Variants in KDELR2 observed in about 807,000 individuals in gnomAD.
The protein encoded by KDELR2 is ER lumen protein-retaining receptor 2.
In KDELR2, 15 loss-of-function variants were observed where a neutral mutation model predicts 23.9. The observed-to-expected ratio is 0.63, with a 90% CI of 0.42 to 0.97. The LOEUF is 0.97. Ranked by LOEUF, KDELR2 falls within the 50% of genes least tolerant of loss-of-function variation. The pLI, the probability that KDELR2 is intolerant of heterozygous loss-of-function variation, is 0.00. For missense variants in KDELR2, 272 were observed against 254.6 expected (o/e 1.07, Z -0.46); for synonymous variants, 119 against 106.2 (o/e 1.12, Z -0.74).
At position 6,469,666 on chromosome 7, in the gene KDELR2, C is replaced by G; in HGVS notation, c.281G>C (p.Arg94Pro). Reference sequence around the variant, plus strand: ...CACAGGGACCACCAGAAACTCCACTCGGAAGGTATCATGATTTCCATCGTA... The same window carrying G: ...CACAGGGACCACCAGAAACTCCACTGGGAAGGTATCATGATTTCCATCGTA... ...ATYDGNHDTF[R>P]VEFLVVPVGG... is the part of the protein sequence containing the mutation. Residue 94 changes from arginine (R) to proline (P), a missense_variant, in exon 3 of 5, where the codon CGA becomes CCA. Arg to Pro is a moderately radical substitution (Grantham distance 103). Transcript: ENST00000258739. The G allele has an allele frequency of 1.2e-6, 2 of 1,614,058 alleles. No homozygotes were observed. Among genetic ancestry groups the G allele is most frequent in the South Asian group, 1.1e-5 (1 of 91,076 alleles).
chr7:6,469,894 T>C (rs1785589874), intron 2 of KDELR2, 140 bp from the exon 3 acceptor site: 1 of 693,274 alleles, frequency 1.4e-6, no homozygotes, highest in African/African-American at 1.8e-5. Context: ...AACTTAAATA[T>C]AGTAAAATTC....
In KDELR2 at chr7:6,468,784, G is replaced by A. The variant is rs541196108; in HGVS notation, c.351+812C>T. On this transcript the variant is annotated intron_variant, in intron 3 of 4. Transcript: ENST00000258739. ...CTCCCAAAGTGCTGGGATTACAGGC[G>A]TGAGCCACTGCGCATGGCCAGTTTT... Among the ~76,000 whole-genome samples the A allele has an allele frequency of 1.3e-4, 20 of 152,184 alleles. No individual in the cohort carries two copies. In the East Asian group the frequency reaches 1.4e-3, roughly 10 times the overall value.
chr7:6,478,686 T>C (rs1029237954), intron 1 of KDELR2, among the ~76,000 whole-genome samples: 1 of 152,242 alleles, frequency 6.6e-6, no homozygotes, highest in African/African-American at 2.4e-5. Flanking sequence ...AGAGATGTCA[T>C]CTTGCTTCCT....
At chr7:6,482,503 T>C (rs1177393173) in intron 1 of KDELR2, 2 of 458,930 alleles carry the variant, frequency 4.4e-6, no homozygotes, top group Non-Finnish European at 9.0e-6. Context: ...ACATGGACTT[T>C]GTAACACCCA....
chr7:6,483,838 T>TA (rs1785968811), intron 1 of KDELR2, 129 bp downstream of exon 1: 3 of 676,856 alleles, frequency 4.4e-6, no homozygotes, highest in Admixed American at 4.8e-5. Flanking sequence ...GGGCACCCGT[T>TA]AGGCCGGCCG....
At chr7:6,471,176 G>GTT (rs1161325162) in intron 2 of KDELR2, among the ~76,000 whole-genome samples, 2,008 of 72,684 alleles carry the variant, frequency 0.028, 104 homozygotes, top group African/African-American at 0.034. Context: ...ATTTGTTTCG[G>GTT]TTTTTTTTTT....
chr7:6,483,905 G>T, intron 1 of KDELR2, 62 bp downstream of exon 1: 1 of 1,293,914 alleles, frequency 7.7e-7, no homozygotes, highest in Middle Eastern at 2.3e-4. Context: ...CGAGGTCGGC[G>T]GGTCCTCGGC....
chr7:6,472,836 TAGAAAGAA>T (rs1383998650), intron 2 of KDELR2, among the ~76,000 whole-genome samples: 1 of 151,092 alleles, frequency 6.6e-6, no homozygotes, highest in Non-Finnish European at 1.5e-5. Context: ...TCAGTATTTG[TAGAAAGAA>T]GGAAAGAAAG....
intron 2 of KDELR2, among the ~76,000 whole-genome samples, chr7:6,471,424 C>A (rs565111558): frequency 6.6e-6 from 1 of 152,188 alleles, no homozygotes; most frequent in South Asian, 2.1e-4. Context: ...AGGTGATCTG[C>A]CTGCCTCGGC....
At chr7:6,477,158 G>T (rs1338035491) in intron 1 of KDELR2, among the ~76,000 whole-genome samples, 1 of 152,218 alleles carries the variant, frequency 6.6e-6, no homozygotes, top group Non-Finnish European at 1.5e-5. Flanking sequence ...GAGGGTGAGA[G>T]AGCCCCAGGT....
At chr7:6,469,073 T>C (rs1785567288) in intron 3 of KDELR2, among the ~76,000 whole-genome samples, 1 of 151,494 alleles carries the variant, frequency 6.6e-6, no homozygotes, top group Non-Finnish European at 1.5e-5. Context: ...TGCCTCAGCC[T>C]CCCCAGTAGC....
intron 1 of KDELR2, among the ~76,000 whole-genome samples, chr7:6,478,075 C>CAAA (rs1785792802): frequency 3.3e-5 from 5 of 152,130 alleles, no homozygotes; most frequent in Admixed American, 3.3e-4. Flanking sequence ...ACACGAAATG[C>CAAA]AAAGACCCTT....
chr7:6,468,636 A>G (rs7456862), intron 3 of KDELR2, among the ~76,000 whole-genome samples: 136,377 of 152,046 alleles, frequency 0.9, 61,596 homozygotes, highest in Non-Finnish European at 0.92. Context: ...CTCCCAAGTA[A>G]CTGGGACTAC....
At chr7:6,482,445 A>T in intron 1 of KDELR2, 1 of 375,330 alleles carries the variant, frequency 2.7e-6, no homozygotes, top group Non-Finnish European at 5.6e-6. Context: ...TGAACCTCTC[A>T]GAACTATGTA....
chr7:6,483,047 T>C (rs1401806234), intron 1 of KDELR2, among the ~76,000 whole-genome samples: 1 of 152,000 alleles, frequency 6.6e-6, no homozygotes, highest in East Asian at 1.9e-4. Context: ...TTATTATACC[T>C]TTAAAATTAA....
Position 6,469,670 on chromosome 7 carries a change from A to G in KDELR2, c.277T>C (p.Phe93Leu). The part of the protein sequence containing the change: ...KATYDGNHDT[F>L]RVEFLVVPVG... ...GGGACCACCAGAAACTCCACTCGGA[A>G]GGTATCATGATTTCCATCGTAGGTT... The change falls in exon 3 of 5, where the codon TTC becomes CTC. Residue 93 changes from phenylalanine to leucine, a missense_variant. By Grantham distance (22) the Phe-to-Leu change is conservative. Coordinates refer to ENST00000258739, the MANE Select transcript of KDELR2 (RefSeq NM_006854.4). The G allele has an allele frequency of 6.2e-7, 1 of 1,614,130 alleles. No individual in the cohort carries two copies. Among genetic ancestry groups the G allele is most frequent in the Non-Finnish European group, 8.5e-7 (1 of 1,179,970 alleles).
chr7:6,471,262 A>C (rs938368799), intron 2 of KDELR2, among the ~76,000 whole-genome samples: 1 of 130,416 alleles, frequency 7.7e-6, no homozygotes, highest in African/African-American at 2.9e-5. Flanking sequence ...GCTCACTGCA[A>C]CCTCCGCCTC....
intron 4 of KDELR2, 129 bp downstream of exon 4, chr7:6,465,942 T>C (rs60196376): frequency 1.3e-4 from 122 of 931,968 alleles, no homozygotes; most frequent in African/African-American, 1.2e-3. Flanking sequence ...CAGAATGTTA[T>C]TGGCCAATCA....
chr7:6,469,285 T>C (rs573998541), intron 3 of KDELR2, among the ~76,000 whole-genome samples: 73 of 151,888 alleles, frequency 4.8e-4, no homozygotes, highest in African/African-American at 1.7e-3. Context: ...CGAGACAGTC[T>C]TGCTCTGTCA....
Sources: allele counts gnomAD v4.1 joint callset (sites outside exome capture counted in the v4.1 genomes callset), GRCh38; gene constraint gnomAD v4.1.1; transcripts MANE v1.5; gene names NCBI Gene and HGNC (gene_info 2026-07-23, HGNC 2026-07-21).